The following MSN variants were observed in gnomAD, a reference collection of about 807,000 sequenced individuals.
The protein encoded by MSN is moesin.
In MSN, 2 loss-of-function variants were observed where a neutral mutation model predicts 48.0. The observed-to-expected ratio is 0.04, with a 90% confidence interval of 0.02 to 0.13. The LOEUF is 0.13. MSN is among the 10% of genes least tolerant of loss of function. MSN has a pLI of 1.00. For synonymous variants in MSN, 146 were observed against 166.9 expected, an observed-to-expected ratio of 0.87 and a Z score of 0.97; for missense variants, 267 against 470.1, an observed-to-expected ratio of 0.57 and a Z score of 3.99.
intron 1 of MSN, among the ~76,000 whole-genome samples, chrX:65,673,245 A>G (rs939263431): frequency 1.8e-5 from 2 of 111,875 alleles, no homozygotes; most frequent in Non-Finnish European, 3.8e-5. Flanking sequence ...CACATTTTTC[A>G]GTGACCGCCT....
intron 1 of MSN, among the ~76,000 whole-genome samples, chrX:65,707,318 G>A (rs1057449727): frequency 9.9e-5 from 11 of 111,090 alleles, no homozygotes; most frequent in Non-Finnish European, 1.9e-4. Context: ...ATGTTGAATT[G>A]CTCAGTAAAT....
At chrX:65,730,094 C>T (rs1213062358) in intron 4 of MSN, among the ~76,000 whole-genome samples, 9 of 111,569 alleles carry the variant, frequency 8.1e-5, no homozygotes, top group East Asian at 2.8e-4. Context: ...ATAAGCAAAC[C>T]GAGGACATGG....
chrX:65,703,962 G>A (rs999454689), intron 1 of MSN, among the ~76,000 whole-genome samples: 10 of 111,901 alleles, frequency 8.9e-5, no homozygotes, highest in Admixed American at 4.7e-4. Context: ...ACATTCCCAT[G>A]AGCAATAGAT....
In MSN at chrX:65,731,927, C is replaced by G; in HGVS notation, c.641C>G (p.Ser214Ter). The change falls in exon 6 of 13, where the codon TCA becomes TGA. Residue 214 changes from serine (S) to a stop codon, truncating the protein, a stop_gained. Transcript: ENST00000360270. LOFTEE classifies it high-confidence loss of function. Reference sequence around the variant, plus strand: ...TTCAGCATCAAGAACAAGAAAGGCTCAGAGCTGTGGCTGGGGGTGGATGCC... The same window carrying G: ...TTCAGCATCAAGAACAAGAAAGGCTGAGAGCTGTGGCTGGGGGTGGATGCC... ...NYFSIKNKKG[S>*]ELWLGVDALG... The G allele has an allele frequency of 8.3e-7, 1 of 1,210,765 alleles. No homozygotes were observed. The highest frequency in any genetic ancestry group is 1.1e-6 in the Non-Finnish European group (1 of 895,137).
At chrX:65,714,699 A>G (rs1487752042) in intron 1 of MSN, among the ~76,000 whole-genome samples, 1 of 111,254 alleles carries the variant, frequency 9.0e-6, no homozygotes, top group African/African-American at 3.3e-5. Flanking sequence ...TTCCTTATAG[A>G]TGCTGGATAT....
At chrX:65,627,113 GT>G (rs754139062) in intron 1 of MSN, among the ~76,000 whole-genome samples, 3 of 110,951 alleles carry the variant, frequency 2.7e-5, no homozygotes, top group Non-Finnish European at 5.7e-5. Context: ...TTTTGACAAA[GT>G]TGGTTCTGAC....
chrX:65,610,321 C>T (rs2070310784), intron 1 of MSN, among the ~76,000 whole-genome samples: 1 of 111,927 alleles, frequency 8.9e-6, no homozygotes, highest in African/African-American at 3.2e-5. Context: ...ATGAATTTGC[C>T]CATTTTGAAT....
chrX:65,699,380 C>A (rs960408684), intron 1 of MSN, among the ~76,000 whole-genome samples: 1 of 111,811 alleles, frequency 8.9e-6, no homozygotes, highest in Non-Finnish European at 1.9e-5. Context: ...ATGCTATTCT[C>A]CTTTCCCAAA....
At chrX:65,732,062 T>C in intron 6 of MSN, 78 bp downstream of exon 6, 1 of 1,046,820 alleles carries the variant, frequency 9.6e-7, no homozygotes, top group Non-Finnish European at 1.3e-6. Context: ...AGCAGGGCCA[T>C]ATCTCTTGGG....
intron 7 of MSN, among the ~76,000 whole-genome samples, chrX:65,734,993 A>G (rs2071660431): frequency 8.9e-6 from 1 of 112,074 alleles, no homozygotes; most frequent in African/African-American, 3.2e-5. Context: ...GCAAAGATTG[A>G]AAGAAATTGT....
intron 1 of MSN, among the ~76,000 whole-genome samples, chrX:65,659,005 T>C (rs2070802881): frequency 9.4e-6 from 1 of 106,398 alleles, no homozygotes; most frequent in Non-Finnish European, 1.9e-5. Context: ...CCACCGTGCC[T>C]AGCTAATTTT....
intron 1 of MSN, among the ~76,000 whole-genome samples, chrX:65,708,272 G>A (rs913791997): frequency 1.8e-5 from 2 of 111,845 alleles, no homozygotes; most frequent in African/African-American, 6.5e-5. Flanking sequence ...AGAGTAATTA[G>A]CATACTCACC....
rs1419682531 is a variant in MSN, at chrX:65,740,096, T to TG, written c.*204dup. Reference sequence around the variant, plus strand: ...TGGGCAAATGAATGGCTCACTATGGTGCCAATGGAACCTCCTTTCTCTTCT... The same window carrying TG: ...TGGGCAAATGAATGGCTCACTATGGTGGCCAATGGAACCTCCTTTCTCTTCT... On this transcript the variant is annotated 3_prime_UTR_variant, in exon 13 of 13. Coordinates refer to ENST00000360270, the MANE Select transcript of MSN (RefSeq NM_002444.3). The TG allele has an allele frequency of 2.8e-6, 1 of 360,324 alleles. No homozygotes were observed. Among genetic ancestry groups the TG allele is most frequent in the Admixed American group, 4.8e-5 (1 of 21,032 alleles). 29.7% of individuals were successfully genotyped at this position (360,324 alleles called of 1,213,427 possible).
chrX:65,683,637 T>C (rs1013604801), intron 1 of MSN, among the ~76,000 whole-genome samples: 2 of 111,281 alleles, frequency 1.8e-5, no homozygotes, highest in Admixed American at 1.9e-4. Flanking sequence ...AGAGAGCTTC[T>C]GAAGTTCACC....
chrX:65,646,375 CA>C (rs1279137991), intron 1 of MSN, among the ~76,000 whole-genome samples: 1 of 111,750 alleles, frequency 8.9e-6, no homozygotes, highest in Non-Finnish European at 1.9e-5. Context: ...TGAGTTACTT[CA>C]AATCATTTGT....
intron 1 of MSN, among the ~76,000 whole-genome samples, chrX:65,673,959 C>T (rs2070970211): frequency 9.0e-6 from 1 of 111,533 alleles, no homozygotes; most frequent in East Asian, 2.8e-4. Flanking sequence ...TCTTCTCCCT[C>T]TGTGCTGGTG....
At chrX:65,647,750 T>G (rs1174830667) in intron 1 of MSN, among the ~76,000 whole-genome samples, 1 of 111,527 alleles carries the variant, frequency 9.0e-6, no homozygotes, top group African/African-American at 3.3e-5. Context: ...CTAGTGTGGC[T>G]GGAATGCAAG....
chrX:65,589,863 T>A (rs1263421098), intron 1 of MSN: 1 of 82,609 alleles, frequency 1.2e-5, no homozygotes, highest in East Asian at 2.8e-4. Context: ...TCTTTCTTTC[T>A]TTCTTTTTTT....
At chrX:65,610,702 A>G (rs936183098) in intron 1 of MSN, among the ~76,000 whole-genome samples, 2 of 112,278 alleles carry the variant, frequency 1.8e-5, no homozygotes, top group African/African-American at 6.5e-5. Flanking sequence ...TAGCATCTGC[A>G]CCATTTTGCA....
Sources: allele counts gnomAD v4.1 joint callset (sites outside exome capture counted in the v4.1 genomes callset), GRCh38; gene constraint gnomAD v4.1.1; transcripts MANE v1.5; gene names NCBI Gene and HGNC (gene_info 2026-07-23, HGNC 2026-07-21).